Variants in CLASRP observed in about 807,000 individuals in gnomAD.
CLASRP encodes CLK4 associating serine/arginine rich protein.
In CLASRP, 52 loss-of-function variants were observed where a neutral mutation model predicts 99.9. The observed-to-expected ratio is 0.52, with a 90% CI of 0.42 to 0.66. The LOEUF (loss-of-function observed/expected upper bound fraction) is 0.66. Among genes scored for constraint, CLASRP ranks in the 30% least tolerant of loss-of-function variants. The pLI, the probability that CLASRP is intolerant of heterozygous loss-of-function variation, is 0.00. For missense variants in CLASRP, 848 were observed against 999.2 expected (o/e 0.85, Z 2.04); for synonymous variants, 379 against 373.0 (o/e 1.02, Z -0.18).
chr19:45,055,605 C>T (rs1434870369), intron 5 of CLASRP, among the ~76,000 whole-genome samples: 2 of 152,126 alleles, frequency 1.3e-5, no homozygotes, highest in African/African-American at 2.4e-5. Flanking sequence ...GAGGTTGAGG[C>T]GGTGGATCAC....
chr19:45,051,310 A>G (rs1190106684), intron 2 of CLASRP, among the ~76,000 whole-genome samples: 3 of 151,576 alleles, frequency 2.0e-5, no homozygotes, highest in Non-Finnish European at 2.9e-5. Context: ...TATTTCTTCA[A>G]TTTCTTTTTT....
At chr19:45,068,149 T>G in intron 15 of CLASRP, 95 bp downstream of exon 15, 1 of 1,122,776 alleles carries the variant, frequency 8.9e-7, no homozygotes, top group Non-Finnish European at 1.3e-6. Flanking sequence ...CCGGGTGGGC[T>G]GGGAGATCCA....
In CLASRP at chr19:45,060,747, G is replaced by A; in HGVS notation, c.863+120G>A. 1.3e-6 allele frequency: 1 copy of A among 777,548 alleles called. No individual in the cohort carries two copies. Among genetic ancestry groups the A allele is most frequent in the South Asian group, 1.8e-5 (1 of 54,486 alleles). 48.2% of individuals were successfully genotyped at this position (777,548 alleles called of 1,614,324 possible). ...ACTTGAGAAAGGAGTCTTTCTAGTG[G>A]GGCGATGCATGGCCATCGTGAAGGT... On this transcript the variant is annotated intron_variant, in intron 10 of 20. Coordinates refer to ENST00000221455, the MANE Select transcript of CLASRP (RefSeq NM_007056.3). The surrounding 1 kb of genome is among the most constrained non-coding windows in gnomAD (Gnocchi z 4.6).
At chr19:45,070,780 G>A (rs1414656112) in intron 20 of CLASRP, 23 bp from the exon 21 acceptor site, 27 of 1,607,146 alleles carry the variant, frequency 1.7e-5, no homozygotes, top group Non-Finnish European at 2.1e-5. Flanking sequence ...CCATCCTCAC[G>A]GCCCCTCCCT....
intron 2 of CLASRP, among the ~76,000 whole-genome samples, chr19:45,050,518 C>G (rs1972003733): frequency 6.6e-6 from 1 of 151,996 alleles, no homozygotes; most frequent in South Asian, 2.1e-4. Context: ...AACCCCATCT[C>G]TACTAAAAAT....
chr19:45,051,565 CAA>C (rs1972023505), intron 2 of CLASRP, among the ~76,000 whole-genome samples: 1 of 152,160 alleles, frequency 6.6e-6, no homozygotes, highest in Non-Finnish European at 1.5e-5. Context: ...CTTGGCCTCC[CAA>C]AGTGTTGAGA....
chr19:45,050,432 C>T (rs1449207455), intron 2 of CLASRP, among the ~76,000 whole-genome samples: 1 of 152,144 alleles, frequency 6.6e-6, no homozygotes, highest in East Asian at 1.9e-4. Flanking sequence ...TGCCTGTAAT[C>T]CCAGCACTTT....
At chr19:45,066,694 C>A (rs2064370909) in intron 13 of CLASRP, among the ~76,000 whole-genome samples, 1 of 149,390 alleles carries the variant, frequency 6.7e-6, no homozygotes, top group African/African-American at 2.5e-5. Context: ...GCTTCCAGGT[C>A]ATATATTCCT....
Position 45,053,195 on chromosome 19 carries a change from G to A in CLASRP, c.379+18G>A. The A allele has an allele frequency of 6.2e-7, 1 of 1,613,186 alleles. No homozygotes were observed. Among genetic ancestry groups the A allele is most frequent in the Non-Finnish European group, 8.5e-7 (1 of 1,179,246 alleles). On this transcript the variant is annotated intron_variant, in intron 5 of 20. Coordinates refer to ENST00000221455, the MANE Select transcript of CLASRP (RefSeq NM_007056.3). ...TGCCGGCAGTGAGTGATCTGTGGGG[G>A]GACGTGGGGTGTGGGGTTTGAGCCT...
chr19:45,069,069 A>G lies in CLASRP; in HGVS notation c.1772A>G (p.Lys591Arg). The change falls in exon 17 of 21, where the codon AAG becomes AGG. Residue 591 changes from lysine to arginine, a missense_variant. Lys to Arg is a conservative substitution (Grantham distance 26, BLOSUM62 2). This residue lies in a region of CLASRP where 116 missense variants were observed against 162.7 expected (regional missense o/e 0.71). Transcript: ENST00000221455. ...RMQKALNRQF[K>R]ADKKAAQEKM... Reference sequence around the variant, plus strand: ...ACCCTGTTCTTTCTCTCTACAGTCAAGGCGGATAAGAAGGCGGCACAAGAA... The same window carrying G: ...ACCCTGTTCTTTCTCTCTACAGTCAGGGCGGATAAGAAGGCGGCACAAGAA... 1.2e-6 allele frequency: 2 copies of G among 1,613,864 alleles called. No individual in the cohort carries two copies. The highest frequency in any genetic ancestry group is 1.3e-5 in the African/African-American group (1 of 74,984).
chr19:45,067,499 C>CCAG lies in CLASRP; in HGVS notation c.1572_1573insCAG (p.Arg524_Ser525insGln). ...CCAGCCCCAGCCAGAGCCGCAGCCG[C>CCAG]AGCCGCAGCCGCAGCCAGAGCCCCT... On this transcript the variant is annotated inframe_insertion, in exon 14 of 21. Transcript: ENST00000221455. This position sits in a 1 kb window ranked among gnomAD's most constrained non-coding sequence, Gnocchi z 4.9. The CCAG allele has an allele frequency of 6.3e-7, 1 of 1,585,050 alleles. No individual in the cohort carries two copies. Among genetic ancestry groups the CCAG allele is most frequent in the Non-Finnish European group, 8.5e-7 (1 of 1,170,634 alleles).
intron 2 of CLASRP, chr19:45,040,539 T>A (rs2122517996): frequency 2.4e-6 from 1 of 409,142 alleles, no homozygotes; most frequent in South Asian, 2.4e-5. Context: ...CGATCCGGTG[T>A]TAGCAAGAAA....
At chr19:45,042,736 C>T (rs2122525170) in intron 2 of CLASRP, among the ~76,000 whole-genome samples, 1 of 152,056 alleles carries the variant, frequency 6.6e-6, no homozygotes, top group Admixed American at 6.6e-5. Flanking sequence ...CCTCACTCAA[C>T]CTCCTGAGTA....
At chr19:45,068,380 A>C in intron 15 of CLASRP, 40 bp from the exon 16 acceptor site, 1 of 684,822 alleles carries the variant, frequency 1.5e-6, no homozygotes, top group Non-Finnish European at 2.4e-6. Flanking sequence ...GAGCTCTGGG[A>C]CACCCACCCC....
intron 2 of CLASRP, among the ~76,000 whole-genome samples, chr19:45,047,786 T>TA (rs991017540): frequency 9.9e-5 from 15 of 152,224 alleles, no homozygotes; most frequent in African/African-American, 3.4e-4. Context: ...TCTACCACAA[T>TA]AAAAAAATTA....
At chr19:45,055,107 CACAA>C (rs1040810564) in intron 5 of CLASRP, among the ~76,000 whole-genome samples, 8 of 152,196 alleles carry the variant, frequency 5.3e-5, no homozygotes, top group African/African-American at 1.9e-4. Context: ...CATTCACTTC[CACAA>C]ACAGTCATTG....
intron 7 of CLASRP, among the ~76,000 whole-genome samples, chr19:45,058,950 C>T (rs1049894984): frequency 2.6e-5 from 4 of 152,032 alleles, no homozygotes; most frequent in African/African-American, 9.7e-5. Context: ...TCCATTCATC[C>T]ATCCATCCAT....
At position 45,055,833 on chromosome 19, in the gene CLASRP, T is replaced by C. The variant is rs142908475; in HGVS notation, c.380-617T>C. On this transcript the variant is annotated intron_variant, in intron 5 of 20. Coordinates refer to ENST00000221455, the MANE Select transcript of CLASRP (RefSeq NM_007056.3). Reference sequence around the variant, plus strand: ...GTGCAACAAGAGTGAAACTCTGTCTTAAAAAAATAAGAAAAGAAAAACTGA... The same window carrying C: ...GTGCAACAAGAGTGAAACTCTGTCTCAAAAAAATAAGAAAAGAAAAACTGA... 1.2e-4 allele frequency among the ~76,000 whole-genome samples: 18 copies of C among 151,812 alleles called. No homozygotes were observed. The East Asian group carries it at 3.5e-3, about 29-fold the overall frequency.
chr19:45,065,135 G>C (rs1226012855), intron 13 of CLASRP, among the ~76,000 whole-genome samples: 4 of 152,114 alleles, frequency 2.6e-5, no homozygotes, highest in Admixed American at 6.5e-5. Context: ...GCTCACACCT[G>C]TAATCCCAGC....
Sources: gnomAD v4.1 joint callset for allele counts (sites outside exome capture counted in the v4.1 genomes callset) on GRCh38, gnomAD v4.1.1 for gene constraint, gnomAD v4.1.1 regional missense constraint, Gnocchi (gnomAD v3.1) non-coding constraint, MANE v1.5 for transcripts, NCBI Gene and HGNC (gene_info 2026-07-23, HGNC 2026-07-21) for gene names.